The following MAGEC3 variants were observed in gnomAD, a reference collection of about 807,000 sequenced individuals.
The protein encoded by MAGEC3 is melanoma-associated antigen C3.
Under a neutral mutation model 35.3 loss-of-function variants are expected in MAGEC3, and 34 were observed. The ratio of observed to expected loss-of-function variants is 0.96; its 90% CI spans 0.73 to 1.28. The LOEUF (loss-of-function observed/expected upper bound fraction) is 1.28, where lower values mean the gene tolerates loss of function less well. Ranked by LOEUF, MAGEC3 falls within the 50% of genes most tolerant of loss-of-function variation. The pLI, the probability that MAGEC3 is intolerant of heterozygous loss-of-function variation, is 0.00. For missense variants in MAGEC3, 561 were observed against 483.6 expected, an observed-to-expected ratio of 1.16 and a Z score of -1.50; for synonymous variants, 202 against 185.6, an observed-to-expected ratio of 1.09 and a Z score of -0.72.
intron 1 of MAGEC3, 154 bp downstream of exon 1, chrX:141,838,592 T>C (rs1018284628): frequency 1.4e-6 from 1 of 720,493 alleles, no homozygotes; most frequent in African/African-American, 2.4e-5. Context: ...TTGATGTTCA[T>C]GTCTTTCCCT....
At chrX:141,845,582 A>G (rs1603052051) in intron 1 of MAGEC3, among the ~76,000 whole-genome samples, 2 of 111,296 alleles carry the variant, frequency 1.8e-5, no homozygotes, top group Admixed American at 9.6e-5. Flanking sequence ...TTCAACTTCT[A>G]TGAGCTAGCT....
At chrX:141,862,951 T>C (rs928197998) in intron 1 of MAGEC3, among the ~76,000 whole-genome samples, 2 of 111,779 alleles carry the variant, frequency 1.8e-5, no homozygotes. Flanking sequence ...GAGCATGAAA[T>C]GCACCAGCAC....
intron 1 of MAGEC3, among the ~76,000 whole-genome samples, chrX:141,861,244 G>T (rs1478906242): frequency 1.8e-5 from 2 of 110,349 alleles, no homozygotes; most frequent in Non-Finnish European, 3.8e-5. Flanking sequence ...ATCTTTACAA[G>T]AAAAAAGATC....
At chrX:141,866,904 A>G (rs933936612) in intron 2 of MAGEC3, among the ~76,000 whole-genome samples, 1 of 112,339 alleles carries the variant, frequency 8.9e-6, no homozygotes, top group East Asian at 2.8e-4. Context: ...AAATTAATAT[A>G]TGAATAGTGA....
chrX:141,880,299 G>A (rs1173134128), intron 3 of MAGEC3, among the ~76,000 whole-genome samples: 3 of 111,334 alleles, frequency 2.7e-5, no homozygotes, highest in African/African-American at 9.9e-5. Flanking sequence ...TCTCAGGGAT[G>A]TGGAGTTTGC....
Position 141,872,813 on chromosome X carries a change from C to T in MAGEC3, c.259-6362C>T, listed in dbSNP as rs753134062. On this transcript the variant is annotated intron_variant, in intron 2 of 7. Coordinates refer to ENST00000298296, the MANE Select transcript of MAGEC3 (RefSeq NM_138702.1). ...TTGAGAGTCCACTGGGGAGTAGCCCCGGCCTGAGCCTCACAGTCCCCTTCA... is the reference window on the plus strand; with the variant it reads ...TTGAGAGTCCACTGGGGAGTAGCCCTGGCCTGAGCCTCACAGTCCCCTTCA... 5.4e-5 allele frequency among the ~76,000 whole-genome samples: 6 copies of T among 111,870 alleles called. 1 individual carries two copies. Among genetic ancestry groups the T allele is most frequent in the Admixed American group, 3.8e-4 (4 of 10,621 alleles).
intron 1 of MAGEC3, among the ~76,000 whole-genome samples, chrX:141,854,277 G>A (rs759458177): frequency 6.3e-5 from 7 of 110,899 alleles, no homozygotes; most frequent in Non-Finnish European, 1.3e-4. Context: ...AATTATGGGA[G>A]ATAAACATTC....
intron 4 of MAGEC3, 69 bp downstream of exon 4, chrX:141,881,865 G>C: frequency 8.5e-7 from 1 of 1,172,343 alleles, no homozygotes; most frequent in Non-Finnish European, 1.2e-6. Context: ...TTTGAGTGCA[G>C]GGACATTACC....
At chrX:141,894,571 G>C (rs1006355125) in intron 4 of MAGEC3, 27 of 830,115 alleles carry the variant, frequency 3.3e-5, no homozygotes, top group South Asian at 3.0e-4. Context: ...ACAGGAGAAG[G>C]GGGGAGTGCC....
chrX:141,896,981 C>T lies in MAGEC3; in HGVS notation c.1223C>T (p.Pro408Leu), dbSNP rs146435883. ...GPPKISPQGP[P>L]QSPPQSPLDS... is the part of the protein sequence containing the mutation. ...CCCAAGATCTCTCCCCAGGGTCCTC[C>T]GCAGAGTCCTCCCCAGAGTCCTCTA... The change falls in exon 7 of 8, where the codon CCG becomes CTG. Residue 408 changes from proline (P) to leucine (L), a missense_variant. Coordinates refer to ENST00000298296, the MANE Select transcript of MAGEC3 (RefSeq NM_138702.1). The T allele has an allele frequency of 4.6e-4, 548 of 1,201,534 alleles. 1 individual carries two copies. Among genetic ancestry groups the T allele is most frequent in the African/African-American group, 9.7e-4 (55 of 56,853 alleles).
intron 4 of MAGEC3, among the ~76,000 whole-genome samples, chrX:141,891,645 A>G (rs753186298): frequency 2.8e-5 from 3 of 106,869 alleles, no homozygotes; most frequent in African/African-American, 1.0e-4. Flanking sequence ...TTTAAAAGAT[A>G]GATGTGGTAA....
intron 1 of MAGEC3, among the ~76,000 whole-genome samples, chrX:141,852,798 A>G (rs949504928): frequency 9.0e-6 from 1 of 111,036 alleles, no homozygotes; most frequent in African/African-American, 3.3e-5. Flanking sequence ...GTCTTGTCAT[A>G]TTACTATTTT....
At chrX:141,864,676 C>T (rs1186501957) in intron 1 of MAGEC3, among the ~76,000 whole-genome samples, 1 of 111,250 alleles carries the variant, frequency 9.0e-6, no homozygotes, top group Non-Finnish European at 1.9e-5. Context: ...CTAATGGGTA[C>T]TAGGTTTAAT....
Position 141,896,955 on chromosome X carries a change from T to C in MAGEC3, c.1197T>C (p.Pro399=). 5.0e-6 allele frequency: 6 copies of C among 1,191,020 alleles called. No individual in the cohort carries two copies. Among genetic ancestry groups the C allele is most frequent in the Non-Finnish European group, 6.8e-6 (6 of 884,796 alleles). The change falls in exon 7 of 8, where the codon CCT becomes CCC. Residue 399 remains proline (P), a synonymous_variant. Coordinates refer to ENST00000298296, the MANE Select transcript of MAGEC3 (RefSeq NM_138702.1). The stretch of plus-strand genomic sequence containing the variant: ...CTCCTGAGATTCCTCCCCAGGGTCC[T>C]CCCAAGATCTCTCCCCAGGGTCCTC... The part of the protein sequence containing the change: ...QSPPEIPPQG[P]PKISPQGPPQ...
chrX:141,897,798 CCA>C lies in MAGEC3; in HGVS notation c.1899_1900del (p.Ser634CysfsTer9). ...GCTACTGCCATGGCCAGTGCAAGCC[CCA>C]GTGTCATGTCCACCAACTTCTGTCC... On this transcript the variant is annotated frameshift_variant, in exon 8 of 8. Transcript: ENST00000298296. LOFTEE classifies it low-confidence loss of function (END_TRUNC). 1 of 1,201,164 alleles carries C rather than the reference CCA, an allele frequency of 8.3e-7. No homozygotes were observed. Among genetic ancestry groups the C allele is most frequent in the Non-Finnish European group, 1.1e-6 (1 of 891,060 alleles).
Position 141,840,100 on chromosome X carries a change from A to G in MAGEC3, c.123+1662A>G, listed in dbSNP as rs996668732. On this transcript the variant is annotated intron_variant, in intron 1 of 7. Coordinates refer to ENST00000298296, the MANE Select transcript of MAGEC3 (RefSeq NM_138702.1). ...CTGAAGGATTTGTGTGAGGAGACCTATTCTATAGCTGTTAAATGATTGGCA... is the reference window on the plus strand; with the variant it reads ...CTGAAGGATTTGTGTGAGGAGACCTGTTCTATAGCTGTTAAATGATTGGCA... The G allele has an allele frequency of 1.8e-5, 10 of 566,742 alleles. No individual in the cohort carries two copies. In the African/African-American group the frequency reaches 2.3e-4, roughly 13 times the overall value. 46.7% of individuals were successfully genotyped at this position (566,742 alleles called of 1,213,427 possible).
intron 2 of MAGEC3, among the ~76,000 whole-genome samples, chrX:141,867,151 A>T (rs2124102186): frequency 8.9e-6 from 1 of 112,013 alleles, no homozygotes. Flanking sequence ...CCATTAAAAA[A>T]AAATCTATCC....
At chrX:141,896,197 A>T (rs868598565) in intron 6 of MAGEC3, 188 of 215,579 alleles carry the variant, frequency 8.7e-4, no homozygotes, top group Middle Eastern at 2.1e-3. Flanking sequence ...TCCAGGAACC[A>T]GGAGTTGAAG....
intron 1 of MAGEC3, among the ~76,000 whole-genome samples, chrX:141,847,726 G>A (rs2017725472): frequency 9.0e-6 from 1 of 110,975 alleles, no homozygotes; most frequent in Non-Finnish European, 1.9e-5. Flanking sequence ...TGTTTAGAGG[G>A]AAATGTATAG....
Sources: gnomAD v4.1 joint callset for allele counts (sites outside exome capture counted in the v4.1 genomes callset) on GRCh38, gnomAD v4.1.1 for gene constraint, MANE v1.5 for transcripts, NCBI Gene and HGNC (gene_info 2026-07-23, HGNC 2026-07-21) for gene names.